The following GLUD1 variants were observed in gnomAD, a reference collection of about 807,000 sequenced individuals.
The protein encoded by GLUD1 is glutamate dehydrogenase 1, also known as glutamate dehydrogenase 1, mitochondrial.
GLUD1 carries 22 observed loss-of-function variants against 56.0 expected under a neutral mutation model. The ratio of observed to expected loss-of-function variants is 0.39; its 90% CI spans 0.28 to 0.56. The LOEUF is 0.56. Ranked by LOEUF, GLUD1 falls within the 20% of genes least tolerant of loss-of-function variation. The pLI is 0.58. For missense variants in GLUD1, 451 were observed against 732.0 expected, an observed-to-expected ratio of 0.62 and a Z score of 4.43; for synonymous variants, 223 against 269.9, an observed-to-expected ratio of 0.83 and a Z score of 1.70.
intron 7 of GLUD1, 36 bp from the exon 8 acceptor site, chr10:87,060,861 C>A (rs1845912401): frequency 6.2e-7 from 1 of 1,613,948 alleles, no homozygotes. Flanking sequence ...AATAGCTGCA[C>A]CAGAGTTTTA....
In GLUD1 at chr10:87,094,108, C is replaced by A; in HGVS notation, c.445+217G>T. On this transcript the variant is annotated intron_variant, in intron 1 of 12. Transcript: ENST00000277865. This position sits in a 1 kb window ranked among gnomAD's most constrained non-coding sequence, Gnocchi z 6.6. ...TATACAGAGGCCCGGGGTGACGGCGCGGGGGAGGGGGCAGGCCAATCGCAT... is the reference window on the plus strand; with the variant it reads ...TATACAGAGGCCCGGGGTGACGGCGAGGGGGAGGGGGCAGGCCAATCGCAT... 6.7e-7 allele frequency: 1 copy of A among 1,501,540 alleles called. No homozygotes were observed. The highest frequency in any genetic ancestry group is 8.9e-7 in the Non-Finnish European group (1 of 1,126,848). The allele number at this position is 1,501,540 out of a possible 1,614,324, so 93.0% of individuals were successfully genotyped here.
At position 87,094,311 on chromosome 10, in the gene GLUD1, C is replaced by T. The variant is rs1440211509; in HGVS notation, c.445+14G>A. ...GAGGCAGGGAGGGCGGGACGGGGCC[C>T]GGCCGACGCTCACCTCCCTTGCAGG... On this transcript the variant is annotated intron_variant, in intron 1 of 12. Transcript: ENST00000277865. The surrounding 1 kb of genome is among the most constrained non-coding windows in gnomAD (Gnocchi z 6.6). The T allele has an allele frequency of 1.3e-6, 2 of 1,594,700 alleles. No individual in the cohort carries two copies. Among genetic ancestry groups the T allele is most frequent in the South Asian group, 1.1e-5 (1 of 89,254 alleles).
chr10:87,067,715 T>C (rs1846114848), intron 5 of GLUD1: 2 of 290,230 alleles, frequency 6.9e-6, no homozygotes, highest in Non-Finnish European at 1.4e-5. Flanking sequence ...TGTATTACAT[T>C]ATTTCCATAC....
chr10:87,060,546 A>G, intron 8 of GLUD1, 142 bp downstream of exon 8: 2 of 1,067,096 alleles, frequency 1.9e-6, no homozygotes, highest in Non-Finnish European at 2.9e-6. Context: ...TATGTACCTT[A>G]AATGGGGGAA....
chr10:87,083,835 A>ACACG (rs1187856292), intron 1 of GLUD1, among the ~76,000 whole-genome samples: 2 of 151,422 alleles, frequency 1.3e-5, no homozygotes, highest in African/African-American at 4.9e-5. Flanking sequence ...ACACACACAC[A>ACACG]CACGCACACA....
At chr10:87,084,877 C>G (rs1287933522) in intron 1 of GLUD1, among the ~76,000 whole-genome samples, 3 of 152,180 alleles carry the variant, frequency 2.0e-5, no homozygotes. Flanking sequence ...AATGTACCTT[C>G]TAACCCACAA....
chr10:87,051,550 C>T lies in GLUD1; in HGVS notation c.*201G>A, dbSNP rs1845631574. 4 of 680,526 alleles carry T rather than the reference C, an allele frequency of 5.9e-6. No homozygotes were observed. The highest frequency in any genetic ancestry group is 5.5e-5 in the East Asian group (2 of 36,596). The allele number at this position is 680,526 out of a possible 1,614,324, so 42.2% of individuals were successfully genotyped here. A position where few individuals can be genotyped will look rare whatever the true frequency, so the allele number is the denominator to read the frequency against. The stretch of plus-strand genomic sequence containing the variant: ...GGCTCTCTGGTGTAGGTGATTTCTA[C>T]TTTCACACTCAGCTTGTACATGATC... On this transcript the variant is annotated 3_prime_UTR_variant, in exon 13 of 13. Transcript: ENST00000277865.
chr10:87,072,397 AG>A (rs1195147561), intron 4 of GLUD1, among the ~76,000 whole-genome samples: 1 of 152,210 alleles, frequency 6.6e-6, no homozygotes, highest in African/African-American at 2.4e-5. Flanking sequence ...CACATGTGAC[AG>A]GATCAGGGTT....
At chr10:87,081,694 T>A (rs192246713) in intron 1 of GLUD1, among the ~76,000 whole-genome samples, 6 of 152,194 alleles carry the variant, frequency 3.9e-5, no homozygotes, top group African/African-American at 1.4e-4. Context: ...CACTCAGGGT[T>A]AAATGGATTA....
At chr10:87,055,713 C>T (rs11202313) in intron 11 of GLUD1, among the ~76,000 whole-genome samples, 4,957 of 152,252 alleles carry the variant, frequency 0.033, 277 homozygotes, top group African/African-American at 0.11. Context: ...ACGGTTAGTA[C>T]CTAGAATGGG....
chr10:87,087,915 T>C (rs1471597316), intron 1 of GLUD1, among the ~76,000 whole-genome samples: 2 of 152,130 alleles, frequency 1.3e-5, no homozygotes. Flanking sequence ...ACCCTGTCTC[T>C]ACTAAATATA....
rs1846126587 is a variant in GLUD1, at chr10:87,068,118, C to T, written c.686G>A (p.Gly229Asp). 1 of 1,613,642 alleles carries T rather than the reference C, an allele frequency of 6.2e-7. No homozygotes were observed. The highest frequency in any genetic ancestry group is 1.1e-5 in the South Asian group (1 of 91,076). The change falls in exon 5 of 13, where the codon GGT becomes GAT. Residue 229 changes from glycine (G) to aspartate (D), a missense_variant. Gly to Asp is a moderately conservative substitution (Grantham distance 94). This residue lies in a region of GLUD1 where 248 missense variants were observed against 460.0 expected (regional missense o/e 0.54). Coordinates refer to ENST00000277865, the MANE Select transcript of GLUD1 (RefSeq NM_005271.5). ...AGCGATCCAGGACATCTCCCGCTCA[C>T]CTGTGCTCATGTCTGGAGCAGGCAC... ...IDVPAPDMST[G>D]EREMSWIADT...
At chr10:87,093,768 C>T (rs913994087) in intron 1 of GLUD1, among the ~76,000 whole-genome samples, 2 of 152,142 alleles carry the variant, frequency 1.3e-5, no homozygotes, top group Non-Finnish European at 2.9e-5. Flanking sequence ...TTAATTGAAA[C>T]GATTAACGCG....
chr10:87,086,319 G>A (rs1275164297), intron 1 of GLUD1, among the ~76,000 whole-genome samples: 1 of 152,112 alleles, frequency 6.6e-6, no homozygotes, highest in African/African-American at 2.4e-5. Flanking sequence ...CAGTCTCTCA[G>A]GCTAGAAATT....
At chr10:87,079,986 G>C (rs1417717817) in intron 1 of GLUD1, among the ~76,000 whole-genome samples, 2 of 142,546 alleles carry the variant, frequency 1.4e-5, no homozygotes, top group East Asian at 2.2e-4. Flanking sequence ...CTCTGATGCC[G>C]AGCGGAAGCT....
intron 1 of GLUD1, chr10:87,091,628 GA>G: frequency 1.1e-6 from 1 of 948,232 alleles, no homozygotes; most frequent in Non-Finnish European, 1.3e-6. Flanking sequence ...TAGTAACTGG[GA>G]AAAGAAAAGC....
intron 5 of GLUD1, chr10:87,067,732 T>A (rs1286564646): frequency 3.2e-6 from 1 of 316,214 alleles, no homozygotes; most frequent in Admixed American, 4.1e-5. Flanking sequence ...ATACCTTATC[T>A]GCTTATGCAC....
intron 1 of GLUD1, chr10:87,089,859 T>C: frequency 3.7e-6 from 1 of 269,186 alleles, no homozygotes; most frequent in Non-Finnish European, 5.7e-6. Context: ...GATTTAAGAC[T>C]GTTCATGGTT....
chr10:87,059,075 C>T (rs942164638), intron 10 of GLUD1, 75 bp downstream of exon 10: 4 of 1,549,404 alleles, frequency 2.6e-6, no homozygotes, highest in Non-Finnish European at 3.6e-6. Flanking sequence ...GATCAGTTCT[C>T]TTAAGTGGAC....
Sources: gnomAD v4.1 joint callset for allele counts (sites outside exome capture counted in the v4.1 genomes callset) on GRCh38, gnomAD v4.1.1 for gene constraint, gnomAD v4.1.1 regional missense constraint, Gnocchi (gnomAD v3.1) non-coding constraint, MANE v1.5 for transcripts, NCBI Gene and HGNC (gene_info 2026-07-23, HGNC 2026-07-21) for gene names.